GPR107: variants seen among roughly 807,000 people sequenced by gnomAD.
GPR107 encodes the protein G protein-coupled receptor 107.
A neutral mutation model predicts 75.5 loss-of-function variants in GPR107; 31 were observed. The ratio of observed to expected loss-of-function variants is 0.41; its 90% confidence interval spans 0.31 to 0.55. GPR107 has a LOEUF of 0.55. GPR107 is among the 20% of genes least tolerant of loss of function. The pLI, the probability that GPR107 is intolerant of heterozygous loss-of-function variation, is 0.26. For synonymous variants in GPR107, 267 were observed against 251.3 expected, an observed-to-expected ratio of 1.06 and a Z score of -0.59; for missense variants, 572 against 665.7, an observed-to-expected ratio of 0.86 and a Z score of 1.55.
At chr9:130,081,315 A>G (rs1466209802) in intron 5 of GPR107, among the ~76,000 whole-genome samples, 1 of 152,198 alleles carries the variant, frequency 6.6e-6, no homozygotes, top group Non-Finnish European at 1.5e-5. Flanking sequence ...AGGCGGGCAG[A>G]TTACTTGAGG....
chr9:130,121,897 T>TA (rs1831556242), intron 14 of GPR107, among the ~76,000 whole-genome samples: 35 of 139,784 alleles, frequency 2.5e-4, no homozygotes, highest in East Asian at 5.8e-4. Context: ...TATTTTATTT[T>TA]CTTTTTTTTT....
At chr9:130,104,138 A>G (rs1831102109) in intron 12 of GPR107, among the ~76,000 whole-genome samples, 1 of 152,216 alleles carries the variant, frequency 6.6e-6, no homozygotes. Flanking sequence ...AAAGGTCCCA[A>G]GAGAGCTGGG....
intron 1 of GPR107, among the ~76,000 whole-genome samples, chr9:130,054,986 G>A (rs2132521984): frequency 6.6e-6 from 1 of 152,292 alleles, no homozygotes; most frequent in East Asian, 1.9e-4. Flanking sequence ...GGGAGGCTGA[G>A]GCTGGAGGAT....
Position 130,104,407 on chromosome 9 carries a change from C to A in GPR107, c.1132-13C>A. 1 of 1,613,570 alleles carries A rather than the reference C, an allele frequency of 6.2e-7. No homozygotes were observed. The highest frequency in any genetic ancestry group is 8.5e-7 in the Non-Finnish European group (1 of 1,179,554). On this transcript the variant is annotated splice_polypyrimidine_tract_variant and intron_variant, in intron 12 of 17. Coordinates refer to ENST00000347136, the MANE Select transcript of GPR107 (RefSeq NM_020960.5). The stretch of plus-strand genomic sequence containing the variant: ...CCATGCTTTGGGGCCTCAGCAACTT[C>A]TCATGTCTGTAGGTCCTGGCAAATG...
intron 1 of GPR107, among the ~76,000 whole-genome samples, chr9:130,066,336 A>G (rs1830067265): frequency 6.6e-6 from 1 of 152,044 alleles, no homozygotes; most frequent in African/African-American, 2.4e-5. Flanking sequence ...TAAAAAGAAT[A>G]AAAGAGGATT....
At chr9:130,114,633 G>A in intron 14 of GPR107, 1 of 713,022 alleles carries the variant, frequency 1.4e-6, no homozygotes, top group Non-Finnish European at 2.0e-6. Flanking sequence ...CTGTCCTCCT[G>A]CCTCAGTCTC....
chr9:130,132,165 G>A (rs782458180), intron 17 of GPR107, among the ~76,000 whole-genome samples: 1 of 152,116 alleles, frequency 6.6e-6, no homozygotes, highest in African/African-American at 2.4e-5. Context: ...GAATGCAGGC[G>A]TGAGCTGCCC....
intron 6 of GPR107, among the ~76,000 whole-genome samples, chr9:130,086,006 C>T (rs1173114613): frequency 6.6e-6 from 1 of 152,074 alleles, no homozygotes; most frequent in Non-Finnish European, 1.5e-5. Context: ...CCACCTTGGC[C>T]TCCCAATATG....
chr9:130,107,636 T>C, intron 14 of GPR107, 97 bp downstream of exon 14: 1 of 850,204 alleles, frequency 1.2e-6, no homozygotes, highest in Non-Finnish European at 2.1e-6. Flanking sequence ...GGTGTCAAGA[T>C]GCTGTCTTCC....
Position 130,137,374 on chromosome 9 carries a change from A to T in GPR107, c.*2253A>T, listed in dbSNP as rs1158944666. The T allele has an allele frequency of 2.6e-5, 4 of 152,266 alleles. No individual in the cohort carries two copies. Among genetic ancestry groups the T allele is most frequent in the Non-Finnish European group, 4.4e-5 (3 of 68,070 alleles). The allele number at this position is 152,266 out of a possible 1,614,324, so 9.4% of individuals were successfully genotyped here. On this transcript the variant is annotated 3_prime_UTR_variant, in exon 18 of 18. Transcript: ENST00000347136. The stretch of plus-strand genomic sequence containing the variant: ...TCCACGCGTATGTCTGGGCTCACTC[A>T]CAGCATGGCCGAGTGTCTGCAGTGC...
At chr9:130,118,356 G>A (rs1283404009) in intron 14 of GPR107, among the ~76,000 whole-genome samples, 1 of 152,184 alleles carries the variant, frequency 6.6e-6, no homozygotes, top group African/African-American at 2.4e-5. Context: ...GGCCTTCTTA[G>A]TTCCTCTTTC....
intron 5 of GPR107, among the ~76,000 whole-genome samples, chr9:130,082,870 A>G (rs1337273703): frequency 6.6e-6 from 1 of 152,078 alleles, no homozygotes; most frequent in Admixed American, 6.6e-5. Flanking sequence ...GGAGGAAAGT[A>G]TCATTATGCT....
intron 1 of GPR107, among the ~76,000 whole-genome samples, chr9:130,070,552 C>A (rs918657932): frequency 2.0e-5 from 3 of 152,130 alleles, no homozygotes; most frequent in Admixed American, 2.0e-4. Context: ...GAACCACCTG[C>A]CTTGACCCCC....
intron 4 of GPR107, among the ~76,000 whole-genome samples, chr9:130,079,282 T>G (rs1830435915): frequency 2.0e-5 from 3 of 152,208 alleles, no homozygotes; most frequent in African/African-American, 7.2e-5. Context: ...CTTTAAAGTC[T>G]TACTGATGTT....
In GPR107 at chr9:130,135,292, T is replaced by G; in HGVS notation, c.*171T>G. 2 of 497,038 alleles carry G rather than the reference T, an allele frequency of 4.0e-6. No homozygotes were observed. Among genetic ancestry groups the G allele is most frequent in the Non-Finnish European group, 3.5e-6 (1 of 282,798 alleles). The allele number at this position is 497,038 out of a possible 1,614,324, so 30.8% of individuals were successfully genotyped here. A position where few individuals can be genotyped will look rare whatever the true frequency, so the allele number is the denominator to read the frequency against. On this transcript the variant is annotated 3_prime_UTR_variant, in exon 18 of 18. Transcript: ENST00000347136. ...AAACCTGATTTTGTACTCTCTTTTA[T>G]GGAAACGATCTGTGGCTGTTTAGAG...
Position 130,120,445 on chromosome 9 carries a change from G to A in GPR107, c.1307-4470G>A, listed in dbSNP as rs544592476. 5.5e-4 allele frequency among the ~76,000 whole-genome samples: 84 copies of A among 152,274 alleles called. No individual in the cohort carries two copies. The South Asian group carries it at 0.011, about 20-fold the overall frequency. On this transcript the variant is annotated intron_variant, in intron 14 of 17. Coordinates refer to ENST00000347136, the MANE Select transcript of GPR107 (RefSeq NM_020960.5). ...TCCTTACTTGGTTAAGACCTGCAGT[G>A]CCTTAACCTCTTTGCTTTCTCTCAG...
intron 6 of GPR107, among the ~76,000 whole-genome samples, chr9:130,084,425 CA>C (rs1233877889): frequency 2.8e-5 from 4 of 143,754 alleles, no homozygotes; most frequent in Non-Finnish European, 6.0e-5. Context: ...AAAAAATCTA[CA>C]GGGAATTGTC....
intron 14 of GPR107, among the ~76,000 whole-genome samples, chr9:130,113,478 ACCTCGG>A (rs556003145): frequency 1.1e-3 from 166 of 151,830 alleles, no homozygotes; most frequent in Non-Finnish European, 2.0e-3. Context: ...TGATCCACCC[ACCTCGG>A]CCTCCCAAAG....
intron 17 of GPR107, among the ~76,000 whole-genome samples, chr9:130,134,291 C>G (rs1831899257): frequency 6.6e-6 from 1 of 152,164 alleles, no homozygotes; most frequent in East Asian, 1.9e-4. Context: ...CATGTGATTC[C>G]TTCTAATGGA....
Sources: allele counts gnomAD v4.1 joint callset (sites outside exome capture counted in the v4.1 genomes callset), GRCh38; gene constraint gnomAD v4.1.1; transcripts MANE v1.5; gene names NCBI Gene and HGNC (gene_info 2026-07-23, HGNC 2026-07-21).